Variants in MARCHF10 observed in about 807,000 individuals in gnomAD.
MARCHF10 encodes membrane associated ring-CH-type finger 10, also known as probable E3 ubiquitin-protein ligase MARCHF10.
Under a neutral mutation model 76.2 loss-of-function variants are expected in MARCHF10, and 64 were observed. That is an observed-to-expected ratio of 0.84 (90% confidence interval 0.69 to 1.03). The LOEUF (loss-of-function observed/expected upper bound fraction) is 1.03. Ranked by LOEUF, MARCHF10 falls within the 50% of genes least tolerant of loss-of-function variation. The pLI is 0.00. For synonymous variants in MARCHF10, 340 were observed against 357.5 expected (o/e 0.95, Z 0.55); for missense variants, 875 against 958.0 (o/e 0.91, Z 1.14).
intron 8 of MARCHF10, among the ~76,000 whole-genome samples, chr17:62,717,973 T>G (rs1056063329): frequency 2.0e-5 from 3 of 152,152 alleles, no homozygotes; most frequent in African/African-American, 4.8e-5. Flanking sequence ...TTTGTTTTGT[T>G]AGTTCACTGA....
chr17:62,734,992 G>A (rs1196859780), intron 6 of MARCHF10: 2 of 152,180 alleles, frequency 1.3e-5, no homozygotes, highest in African/African-American at 2.4e-5. Context: ...TCTTCTGGTA[G>A]CTTAATGTGG....
intron 3 of MARCHF10, among the ~76,000 whole-genome samples, chr17:62,760,434 T>C (rs1338315925): frequency 6.6e-6 from 1 of 152,232 alleles, no homozygotes; most frequent in African/African-American, 2.4e-5. Context: ...GAAATGTAGA[T>C]AGTGTGACGG....
At chr17:62,753,500 C>T (rs1289738345) in intron 4 of MARCHF10, among the ~76,000 whole-genome samples, 2 of 152,186 alleles carry the variant, frequency 1.3e-5, no homozygotes, top group Non-Finnish European at 2.9e-5. Flanking sequence ...GGACTGGGGC[C>T]TGAGGTTCTG....
intron 7 of MARCHF10, 110 bp downstream of exon 7, chr17:62,724,828 C>T: frequency 2.5e-6 from 3 of 1,190,198 alleles, no homozygotes; most frequent in Non-Finnish European, 2.4e-6. Flanking sequence ...CCCTGAGTCG[C>T]TGTTCTGCGG....
chr17:62,798,096 A>C (rs899538311), intron 2 of MARCHF10, among the ~76,000 whole-genome samples: 2 of 152,104 alleles, frequency 1.3e-5, no homozygotes, highest in Non-Finnish European at 2.9e-5. Context: ...TACACATATG[A>C]CTCTGATGCT....
intron 3 of MARCHF10, among the ~76,000 whole-genome samples, chr17:62,786,709 G>A (rs141953073): frequency 0.012 from 1,886 of 152,240 alleles, 19 homozygotes; most frequent in Middle Eastern, 0.041. Flanking sequence ...AATTTGTATA[G>A]CAGGAAGAAG....
At position 62,701,359 on chromosome 17, in the gene MARCHF10, C is replaced by T. The variant is rs1434073155; in HGVS notation, c.*344G>A. Reference sequence around the variant, plus strand: ...ACTGAATGAATACATGGCTCGAGTCCATTCAGGGTGGAGTGAGGCCTGGCA... The same window carrying T: ...ACTGAATGAATACATGGCTCGAGTCTATTCAGGGTGGAGTGAGGCCTGGCA... On this transcript the variant is annotated 3_prime_UTR_variant, in exon 11 of 11. Transcript: ENST00000311269. 1 of 353,616 alleles carries T rather than the reference C, an allele frequency of 2.8e-6. No individual in the cohort carries two copies. Among genetic ancestry groups the T allele is most frequent in the South Asian group, 4.3e-5 (1 of 23,078 alleles). 21.9% of individuals were successfully genotyped at this position (353,616 alleles called of 1,614,324 possible). A position where few individuals can be genotyped will look rare whatever the true frequency, so the allele number is the denominator to read the frequency against.
chr17:62,751,046 G>A (rs560843087), intron 4 of MARCHF10, among the ~76,000 whole-genome samples: 4 of 152,272 alleles, frequency 2.6e-5, no homozygotes, highest in South Asian at 2.1e-4. Context: ...AGATCCCGGC[G>A]GGATCATGCG....
chr17:62,734,814 A>C (rs2091192902), intron 6 of MARCHF10, among the ~76,000 whole-genome samples: 1 of 152,226 alleles, frequency 6.6e-6, no homozygotes, highest in Non-Finnish European at 1.5e-5. Context: ...GTTTAATGCA[A>C]GACCATGCCT....
intron 10 of MARCHF10, among the ~76,000 whole-genome samples, chr17:62,704,050 G>T (rs994427789): frequency 6.6e-6 from 1 of 151,008 alleles, no homozygotes; most frequent in Non-Finnish European, 1.5e-5. Context: ...TGGGGAGGGG[G>T]CGCCTGGGCG....
rs916315847 is a variant in MARCHF10 at position 62,746,934 on chromosome 17, C to T, written c.383-2406G>A. 4.6e-5 allele frequency: 70 copies of T among 1,536,006 alleles called. 1 individual carries two copies. Among genetic ancestry groups the T allele is most frequent in the Admixed American group, 2.2e-4 (11 of 50,974 alleles). ...AGACTGCACCAGCCAGAAGGTCCTC[C>T]GAGGTCTGTTTCCGGTTTATTCCAC... is the stretch of plus-strand genomic sequence containing the variant. On this transcript the variant is annotated intron_variant, in intron 4 of 10. Coordinates refer to ENST00000311269, the MANE Select transcript of MARCHF10 (RefSeq NM_152598.4).
chr17:62,759,806 T>C, intron 4 of MARCHF10, 29 bp downstream of exon 4: 1 of 1,605,358 alleles, frequency 6.2e-7, no homozygotes, highest in Non-Finnish European at 8.5e-7. Flanking sequence ...ATTTTAGATC[T>C]GATGAATTTC....
At chr17:62,730,373 G>T (rs1223200603) in intron 6 of MARCHF10, among the ~76,000 whole-genome samples, 1 of 152,184 alleles carries the variant, frequency 6.6e-6, no homozygotes, top group Admixed American at 6.5e-5. Context: ...AATGATTGTG[G>T]ATTAATGGGA....
At position 62,786,667 on chromosome 17, in the gene MARCHF10, A is replaced by G. The variant is rs2148110010; in HGVS notation, c.210+1813T>C. Among the ~76,000 whole-genome samples, 4 of 152,310 alleles carry G rather than the reference A, an allele frequency of 2.6e-5. No homozygotes were observed. The South Asian group carries it at 8.3e-4, about 32-fold the overall frequency. On this transcript the variant is annotated intron_variant, in intron 3 of 10. Transcript: ENST00000311269. ...CATGACCTTTTTCAGAAGTGGTCTG[A>G]GTGTTTTGCAGTGATGGTTTAAAGA...
At chr17:62,791,182 T>C (rs1391268782) in intron 2 of MARCHF10, among the ~76,000 whole-genome samples, 3 of 152,160 alleles carry the variant, frequency 2.0e-5, no homozygotes, top group African/African-American at 7.2e-5. Context: ...GGCTGGAAAG[T>C]GTAACGAAGT....
chr17:62,737,358 C>T lies in MARCHF10; in HGVS notation c.536-26G>A, dbSNP rs116846169. ...CTGCATTGAGAAAAGACACATTTATCGTTCCAGTAAAAGGGCCCATGGATG... is the reference window on the plus strand; with the variant it reads ...CTGCATTGAGAAAAGACACATTTATTGTTCCAGTAAAAGGGCCCATGGATG... On this transcript the variant is annotated intron_variant, in intron 5 of 10. Coordinates refer to ENST00000311269, the MANE Select transcript of MARCHF10 (RefSeq NM_152598.4). 4,524 of 1,591,506 alleles carry T rather than the reference C, an allele frequency of 2.8e-3. 11 individuals carry two copies. The highest frequency in any genetic ancestry group is 4.6e-3 in the Admixed American group (239 of 52,180).
In MARCHF10 at chr17:62,738,060, T is replaced by TCTCACACA. The variant is rs371710783; in HGVS notation, c.536-729_536-728insTGTGTGAG. 7.1e-5 allele frequency: 9 copies of TCTCACACA among 127,396 alleles called. No individual in the cohort carries two copies. The highest frequency in any genetic ancestry group is 2.5e-4 in the African/African-American group (8 of 31,994). The allele number at this position is 127,396 out of a possible 1,614,324, so 7.9% of individuals were successfully genotyped here. A position where few individuals can be genotyped will look rare whatever the true frequency, so the allele number is the denominator to read the frequency against. On this transcript the variant is annotated intron_variant, in intron 5 of 10. Transcript: ENST00000311269. The surrounding 1 kb of genome is among the most constrained non-coding windows in gnomAD (Gnocchi z 4.0). ...AACTGTCTCTCTCTGTCTCTCTCTG[T>TCTCACACA]CACACACACACACACACACACACAC... is the stretch of plus-strand genomic sequence containing the variant.
intron 6 of MARCHF10, among the ~76,000 whole-genome samples, chr17:62,730,751 G>A (rs372938753): frequency 3.3e-5 from 5 of 151,996 alleles, no homozygotes; most frequent in African/African-American, 4.8e-5. Flanking sequence ...AAAATTAGCC[G>A]TGCATGGTGG....
intron 2 of MARCHF10, among the ~76,000 whole-genome samples, chr17:62,791,413 T>C (rs772439511): frequency 1.3e-5 from 2 of 152,224 alleles, no homozygotes; most frequent in Non-Finnish European, 2.9e-5. Flanking sequence ...GCAGATTTTG[T>C]GGGATGAACA....
Sources: allele counts gnomAD v4.1 joint callset (sites outside exome capture counted in the v4.1 genomes callset), GRCh38; gene constraint gnomAD v4.1.1; non-coding constraint Gnocchi (gnomAD v3.1); transcripts MANE v1.5; gene names NCBI Gene and HGNC (gene_info 2026-07-23, HGNC 2026-07-21).